The following OR2T12 variants were observed in gnomAD, a reference collection of about 807,000 sequenced individuals.
OR2T12 encodes the protein olfactory receptor family 2 subfamily T member 12, also known as olfactory receptor 2T12.
For missense variants in OR2T12, 335 were observed against 404.3 expected (o/e 0.83, Z 1.47); for synonymous variants, 127 against 160.5 (o/e 0.79, Z 1.58).
chr1:248,296,225 G>A (rs1204280810), intron 2 of OR2T12, among the ~76,000 whole-genome samples: 1 of 152,126 alleles, frequency 6.6e-6, no homozygotes, highest in Non-Finnish European at 1.5e-5. Flanking sequence ...TGGTGTATAT[G>A]TGCCACATTT....
At chr1:248,303,089 A>G (rs1659832991) in intron 1 of OR2T12, among the ~76,000 whole-genome samples, 1 of 152,126 alleles carries the variant, frequency 6.6e-6, no homozygotes, top group Admixed American at 6.5e-5. Flanking sequence ...TTTCAACTCT[A>G]GAATGCCAGG....
Position 248,295,248 on chromosome 1 carries a change from A to G in OR2T12, c.331T>C (p.Phe111Leu). The G allele has an allele frequency of 1.2e-6, 2 of 1,608,810 alleles. No homozygotes were observed. The highest frequency in any genetic ancestry group is 2.2e-5 in the South Asian group (2 of 90,866). The part of the protein sequence containing the change: ...FLPTLGGGEC[F>L]LLAAMAYDRY... ...TCATAGGCCATGGCTGCTAAGAGGA[A>G]GCACTCTCCACCACCCAGTGTGGGG... Residue 111 changes from phenylalanine (F) to leucine (L), a missense_variant, in exon 3 of 3, where the codon TTC becomes CTC. Physicochemically the swap from Phe to Leu is conservative, Grantham distance 22. Transcript: ENST00000641276.
At chr1:248,296,963 C>T (rs1659737535) in intron 2 of OR2T12, among the ~76,000 whole-genome samples, 1 of 152,140 alleles carries the variant, frequency 6.6e-6, no homozygotes, top group South Asian at 2.1e-4. Flanking sequence ...CCTAGGTTTT[C>T]TTCTAGGGTT....
Position 248,290,243 on chromosome 1 carries a change from A to G in OR2T12, c.*4373T>C, listed in dbSNP as rs1659602408. The G allele has an allele frequency of 6.6e-6, 1 of 152,128 alleles. No homozygotes were observed. The highest frequency in any genetic ancestry group is 6.6e-5 in the Admixed American group (1 of 15,252). 9.4% of individuals were successfully genotyped at this position (152,128 alleles called of 1,614,324 possible). A position where few individuals can be genotyped will look rare whatever the true frequency, so the allele number is the denominator to read the frequency against. On this transcript the variant is annotated 3_prime_UTR_variant, in exon 3 of 3. Transcript: ENST00000641276. ...CCATACAACCATCTGTTCTTTGACAACCCTGACAAAAACAAGCAATGGGGA... is the reference window on the plus strand; with the variant it reads ...CCATACAACCATCTGTTCTTTGACAGCCCTGACAAAAACAAGCAATGGGGA...
chr1:248,302,418 C>T (rs1415340902), intron 1 of OR2T12, among the ~76,000 whole-genome samples: 4 of 152,026 alleles, frequency 2.6e-5, no homozygotes. Context: ...AGCAACACTG[C>T]AATAATGATT....
intron 2 of OR2T12, among the ~76,000 whole-genome samples, chr1:248,298,104 A>G (rs1049835963): frequency 2.2e-4 from 33 of 152,092 alleles, no homozygotes; most frequent in Non-Finnish European, 4.1e-4. Flanking sequence ...ATCTATTGAC[A>G]TAATCATGTG....
At chr1:248,298,734 TTC>T (rs1201546268) in intron 2 of OR2T12, among the ~76,000 whole-genome samples, 3 of 151,704 alleles carry the variant, frequency 2.0e-5, no homozygotes, top group Non-Finnish European at 2.9e-5. Flanking sequence ...TATTTGATTC[TTC>T]TCTCTTTTTT....
rs1388426149 is a variant in OR2T12 at position 248,293,934 on chromosome 1, A to G, written c.*682T>C. ...ATAAAAAGAGACTGGAAAAAATAAA[A>G]AAAGATTGTGACAATATAGCAGTTA... On this transcript the variant is annotated 3_prime_UTR_variant, in exon 3 of 3. Transcript: ENST00000641276. 1 of 152,168 alleles carries G rather than the reference A, an allele frequency of 6.6e-6. No individual in the cohort carries two copies. The highest frequency in any genetic ancestry group is 1.5e-5 in the Non-Finnish European group (1 of 68,006). The allele number at this position is 152,168 out of a possible 1,614,324, so 9.4% of individuals were successfully genotyped here. A position where few individuals can be genotyped will look rare whatever the true frequency, so the allele number is the denominator to read the frequency against.
chr1:248,297,369 A>C (rs199718835), intron 2 of OR2T12, among the ~76,000 whole-genome samples: 23,175 of 151,316 alleles, frequency 0.15, 2,373 homozygotes, highest in East Asian at 0.37. Flanking sequence ...ACTTTAAAGT[A>C]GTTTTTTCCA....
intron 1 of OR2T12, among the ~76,000 whole-genome samples, chr1:248,302,199 C>CAAATATGATCA (rs1659821128): frequency 1.3e-5 from 2 of 151,916 alleles, no homozygotes; most frequent in African/African-American, 4.8e-5. Flanking sequence ...CTCATATTGG[C>CAAATATGATCA]AATAATGATC....
At chr1:248,299,082 T>C (rs10788773) in intron 2 of OR2T12, among the ~76,000 whole-genome samples, 23,956 of 152,164 alleles carry the variant, frequency 0.16, 2,537 homozygotes, top group East Asian at 0.38. Flanking sequence ...CACAAAATCA[T>C]GCCAAATTGT....
chr1:248,294,503 T>G lies in OR2T12; in HGVS notation c.*113A>C. 2 of 1,357,708 alleles carry G rather than the reference T, an allele frequency of 1.5e-6. No homozygotes were observed. Among genetic ancestry groups the G allele is most frequent in the Non-Finnish European group, 2.0e-6 (2 of 994,034 alleles). 84.1% of individuals were successfully genotyped at this position (1,357,708 alleles called of 1,614,324 possible). On this transcript the variant is annotated 3_prime_UTR_variant, in exon 3 of 3. Transcript: ENST00000641276. Reference sequence around the variant, plus strand: ...GGCTCACTTCATTCTTAAAAATATCTTATTATATCAATACACAAACTTAAT... The same window carrying G: ...GGCTCACTTCATTCTTAAAAATATCGTATTATATCAATACACAAACTTAAT...
intron 2 of OR2T12, among the ~76,000 whole-genome samples, chr1:248,297,703 A>T (rs1262163773): frequency 6.6e-6 from 1 of 150,566 alleles, no homozygotes; most frequent in Non-Finnish European, 1.5e-5. Context: ...TTGATTTTGT[A>T]TCCTGAGACT....
rs1336476790 is a variant in OR2T12 at position 248,291,937 on chromosome 1, A to G, written c.*2679T>C. The G allele has an allele frequency of 6.6e-6, 1 of 152,066 alleles. No individual in the cohort carries two copies. The highest frequency in any genetic ancestry group is 2.4e-5 in the African/African-American group (1 of 41,428). 9.4% of individuals were successfully genotyped at this position (152,066 alleles called of 1,614,324 possible). A position where few individuals can be genotyped will look rare whatever the true frequency, so the allele number is the denominator to read the frequency against. The stretch of plus-strand genomic sequence containing the variant: ...AACTTTATACAAAAAATCACTCAAG[A>G]TGAAGACTTAAACATAAAACATAAA... On this transcript the variant is annotated 3_prime_UTR_variant, in exon 3 of 3. Transcript: ENST00000641276.
In OR2T12 at chr1:248,290,241, C is replaced by CA. The variant is rs1339894215; in HGVS notation, c.*4374dup. 1 of 152,128 alleles carries CA rather than the reference C, an allele frequency of 6.6e-6. No homozygotes were observed. Among genetic ancestry groups the CA allele is most frequent in the Non-Finnish European group, 1.5e-5 (1 of 68,034 alleles). The allele number at this position is 152,128 out of a possible 1,614,324, so 9.4% of individuals were successfully genotyped here. ...TGCCATACAACCATCTGTTCTTTGA[C>CA]AACCCTGACAAAAACAAGCAATGGG... On this transcript the variant is annotated 3_prime_UTR_variant, in exon 3 of 3. Coordinates refer to ENST00000641276, the MANE Select transcript of OR2T12 (RefSeq NM_001004692.2).
chr1:248,298,493 G>T (rs1572832529), intron 2 of OR2T12, among the ~76,000 whole-genome samples: 1 of 152,054 alleles, frequency 6.6e-6, no homozygotes, highest in East Asian at 1.9e-4. Flanking sequence ...GACTCTTTTT[G>T]GTGGGTAAGC....
intron 2 of OR2T12, among the ~76,000 whole-genome samples, chr1:248,298,485 C>T (rs537089729): frequency 6.6e-6 from 1 of 152,104 alleles, no homozygotes; most frequent in Non-Finnish European, 1.5e-5. Flanking sequence ...TGGTCCTGGA[C>T]TCTTTTTGGT....
In OR2T12 at chr1:248,293,378, T is replaced by C. The variant is rs898905376; in HGVS notation, c.*1238A>G. On this transcript the variant is annotated 3_prime_UTR_variant, in exon 3 of 3. Coordinates refer to ENST00000641276, the MANE Select transcript of OR2T12 (RefSeq NM_001004692.2). Reference sequence around the variant, plus strand: ...TATTTCCTCCTTCGTGTTAAAAACTTATATTATTTCTTAAGTGTGTTTTAC... The same window carrying C: ...TATTTCCTCCTTCGTGTTAAAAACTCATATTATTTCTTAAGTGTGTTTTAC... 2 of 152,136 alleles carry C rather than the reference T, an allele frequency of 1.3e-5. No individual in the cohort carries two copies. The highest frequency in any genetic ancestry group is 4.8e-5 in the African/African-American group (2 of 41,446). 9.4% of individuals were successfully genotyped at this position (152,136 alleles called of 1,614,324 possible).
At chr1:248,300,652 T>C (rs993850146) in intron 2 of OR2T12, among the ~76,000 whole-genome samples, 8 of 152,160 alleles carry the variant, frequency 5.3e-5, no homozygotes, top group South Asian at 4.1e-4. Context: ...CCACCTATTT[T>C]GACCATCATA....
Sources: allele counts gnomAD v4.1 joint callset (sites outside exome capture counted in the v4.1 genomes callset), GRCh38; gene constraint gnomAD v4.1.1; transcripts MANE v1.5; gene names NCBI Gene and HGNC (gene_info 2026-07-23, HGNC 2026-07-21).